ZNF84: variants seen among roughly 807,000 people sequenced by gnomAD.
ZNF84 encodes zinc finger protein 84, also known as zinc finger protein HPF2.
A neutral mutation model predicts 14.8 loss-of-function variants in ZNF84; 12 were observed. The ratio of observed to expected loss-of-function variants is 0.81; its 90% confidence interval spans 0.52 to 1.31. The LOEUF is 1.31. Among genes scored for constraint, ZNF84 ranks in the 50% most tolerant of loss-of-function variants. ZNF84 has a pLI of 0.00. For synonymous variants in ZNF84, 347 were observed against 291.1 expected (o/e 1.19, Z -1.96); for missense variants, 859 against 878.6 (o/e 0.98, Z 0.28).
At chr12:133,039,950 T>A (rs1953857691) in intron 1 of ZNF84, among the ~76,000 whole-genome samples, 1 of 150,674 alleles carries the variant, frequency 6.6e-6, no homozygotes, top group South Asian at 2.1e-4. Flanking sequence ...TTCAAGCAAC[T>A]CTTCTGCCTC....
At chr12:133,051,320 GAGC>G (rs1227218540) in intron 4 of ZNF84, among the ~76,000 whole-genome samples, 3 of 151,920 alleles carry the variant, frequency 2.0e-5, no homozygotes, top group Non-Finnish European at 4.4e-5. Flanking sequence ...TTAAAAAATT[GAGC>G]ACTTAAAACA....
chr12:133,054,529 G>T (rs899363949), intron 4 of ZNF84, among the ~76,000 whole-genome samples: 1 of 151,984 alleles, frequency 6.6e-6, no homozygotes, highest in Non-Finnish European at 1.5e-5. Flanking sequence ...GATAGTTTTA[G>T]TGAAAGTACA....
chr12:133,050,152 G>A (rs1033033861), intron 4 of ZNF84, among the ~76,000 whole-genome samples: 11 of 152,214 alleles, frequency 7.2e-5, no homozygotes, highest in African/African-American at 2.7e-4. Context: ...GGGCAAGTCA[G>A]ACCATGGAAG....
chr12:133,044,264 C>T (rs1289222402), intron 2 of ZNF84, among the ~76,000 whole-genome samples: 2 of 152,082 alleles, frequency 1.3e-5, no homozygotes, highest in African/African-American at 4.8e-5. Context: ...CCCACCTCAG[C>T]CTCCCAAGTA....
At chr12:133,037,690 G>C (rs1298605239) in intron 1 of ZNF84, 145 bp downstream of exon 1, 1 of 152,332 alleles carries the variant, frequency 6.6e-6, no homozygotes, top group Non-Finnish European at 1.5e-5. Context: ...GTTGGGGCTG[G>C]GCCGGGTCGT....
intron 2 of ZNF84, among the ~76,000 whole-genome samples, chr12:133,044,049 G>T (rs1291562715): frequency 1.3e-5 from 2 of 151,972 alleles, no homozygotes; most frequent in Admixed American, 6.6e-5. Flanking sequence ...ACCACGCCTG[G>T]CCAGGAATTT....
chr12:133,057,182 A>G lies in ZNF84; in HGVS notation c.467A>G (p.Asp156Gly). The G allele has an allele frequency of 6.2e-7, 1 of 1,610,600 alleles. No individual in the cohort carries two copies. Among genetic ancestry groups the G allele is most frequent in the Non-Finnish European group, 8.5e-7 (1 of 1,179,168 alleles). The change falls in exon 5 of 5, where the codon GAT becomes GGT. Residue 156 changes from aspartate to glycine, a missense_variant. By Grantham distance (94) the Asp-to-Gly change is moderately conservative (BLOSUM62 -1). Coordinates refer to ENST00000539354, the MANE Select transcript of ZNF84 (RefSeq NM_001289971.2). ...GGAGATTATGGAAAAGCAGAATCAG[A>G]TGACTTTAATGTGTTTGATAATTTT... The part of the protein sequence containing the change: ...PKGDYGKAES[D>G]DFNVFDNFFL...
Position 133,058,026 on chromosome 12 carries a change from G to A in ZNF84, c.1311G>A (p.Gly437=), listed in dbSNP as rs1954192458. 6.4e-5 allele frequency: 104 copies of A among 1,613,786 alleles called. 1 individual carries two copies. In the South Asian group the frequency reaches 1.1e-3, roughly 16 times the overall value. The change falls in exon 5 of 5, where the codon GGG becomes GGA. Residue 437 remains glycine (G), a synonymous_variant. Transcript: ENST00000539354. ...GEKPHGCIQC[G]KAFSQKSHLI... ...AACCTCATGGATGCATTCAGTGTGG[G>A]AAGGCCTTCTCCCAGAAGTCACATC...
chr12:133,038,208 C>G (rs1953822497), intron 1 of ZNF84, among the ~76,000 whole-genome samples: 1 of 151,818 alleles, frequency 6.6e-6, no homozygotes, highest in East Asian at 1.9e-4. Context: ...TTCAAATATT[C>G]TTGTATTCAT....
intron 2 of ZNF84, among the ~76,000 whole-genome samples, chr12:133,047,328 T>C (rs1355845095): frequency 3.3e-5 from 5 of 152,044 alleles, no homozygotes; most frequent in Admixed American, 3.3e-4. Flanking sequence ...CTGATAAAAA[T>C]TATCACAAAA....
rs1954274340 is a variant in ZNF84 at position 133,062,095 on chromosome 12, A to G, written c.*3163A>G. 1.3e-5 allele frequency: 2 copies of G among 152,220 alleles called. No individual in the cohort carries two copies. Among genetic ancestry groups the G allele is most frequent in the African/African-American group, 4.8e-5 (2 of 41,456 alleles). 9.4% of individuals were successfully genotyped at this position (152,220 alleles called of 1,614,324 possible). On this transcript the variant is annotated 3_prime_UTR_variant, in exon 5 of 5. Transcript: ENST00000539354. ...CATACTAAAGGAGGCCAAATACAGG[A>G]AGCATCATCTTTTCTTATTCTCTTA...
intron 4 of ZNF84, 43 bp downstream of exon 4, chr12:133,048,891 C>G: frequency 6.6e-7 from 1 of 1,526,374 alleles, no homozygotes; most frequent in Admixed American, 1.7e-5. Context: ...AGCAGAAGCC[C>G]CATGTCATCT....
At chr12:133,043,106 C>T (rs975502986) in intron 2 of ZNF84, among the ~76,000 whole-genome samples, 9 of 152,224 alleles carry the variant, frequency 5.9e-5, no homozygotes, top group African/African-American at 2.2e-4. Context: ...CTTCTGTCTT[C>T]TTTCACTTCA....
intron 3 of ZNF84, 70 bp downstream of exon 3, chr12:133,048,151 A>G: frequency 6.8e-7 from 1 of 1,467,096 alleles, no homozygotes; most frequent in Non-Finnish European, 9.2e-7. Context: ...GTTGCTGGGA[A>G]GTTTCAGAAG....
chr12:133,056,072 TTAGAA>T (rs1593711859), intron 4 of ZNF84, among the ~76,000 whole-genome samples: 1 of 152,174 alleles, frequency 6.6e-6, no homozygotes, highest in African/African-American at 2.4e-5. Context: ...AAATAAAACT[TTAGAA>T]TAAGAAACAA....
intron 1 of ZNF84, among the ~76,000 whole-genome samples, chr12:133,039,562 C>T (rs1593692564): frequency 6.6e-6 from 1 of 152,148 alleles, no homozygotes; most frequent in Non-Finnish European, 1.5e-5. Flanking sequence ...TTATGTTAAA[C>T]GCCTTATAGG....
intron 1 of ZNF84, chr12:133,040,417 A>C (rs1953866381): frequency 6.6e-6 from 1 of 151,808 alleles, no homozygotes; most frequent in Non-Finnish European, 1.5e-5. Flanking sequence ...AAAATACAAA[A>C]ACAGTTAGCT....
intron 3 of ZNF84, 124 bp downstream of exon 3, chr12:133,048,205 A>C: frequency 3.5e-6 from 3 of 861,776 alleles, no homozygotes; most frequent in South Asian, 1.9e-5. Context: ...TTAGACCTGA[A>C]ACTTAGATCA....
rs1276920148 is a variant in ZNF84 at position 133,063,160 on chromosome 12, G to GA, written c.*4231dup. The GA allele has an allele frequency of 7.1e-6, 5 of 702,354 alleles. No individual in the cohort carries two copies. In the East Asian group the frequency reaches 1.3e-4, roughly 19 times the overall value. The allele number at this position is 702,354 out of a possible 1,614,324, so 43.5% of individuals were successfully genotyped here. On this transcript the variant is annotated 3_prime_UTR_variant, in exon 5 of 5. Coordinates refer to ENST00000539354, the MANE Select transcript of ZNF84 (RefSeq NM_001289971.2). ...GAAGCCATGATGAAAGCAAAATCAAGAAAGAGTCCCGATTGTGTTCCAGTA... is the reference window on the plus strand; with the variant it reads ...GAAGCCATGATGAAAGCAAAATCAAGAAAAGAGTCCCGATTGTGTTCCAGTA...
Sources: gnomAD v4.1 joint callset for allele counts (sites outside exome capture counted in the v4.1 genomes callset) on GRCh38, gnomAD v4.1.1 for gene constraint, MANE v1.5 for transcripts, NCBI Gene and HGNC (gene_info 2026-07-23, HGNC 2026-07-21) for gene names.